The following FCRL1 variants were observed in gnomAD, a reference collection of about 807,000 sequenced individuals.
The protein encoded by FCRL1 is Fc receptor like 1, also known as Fc receptor-like protein 1.
FCRL1 carries 34 observed loss-of-function variants against 49.2 expected under a neutral mutation model. The observed-to-expected ratio is 0.69, with a 90% confidence interval of 0.53 to 0.92. The LOEUF (loss-of-function observed/expected upper bound fraction) is 0.92, where lower values mean the gene tolerates loss of function less well. Among genes scored for constraint, FCRL1 ranks in the 40% least tolerant of loss-of-function variants. FCRL1 has a pLI of 0.00. For synonymous variants in FCRL1, 218 were observed against 201.6 expected (o/e 1.08, Z -0.69); for missense variants, 524 against 524.1 (o/e 1.00, Z 0.00).
In FCRL1 at chr1:157,794,546, CAAG is replaced by C. The variant is rs1651218634; in HGVS notation, c.*1550_*1552del. 6.6e-6 allele frequency: 1 copy of C among 152,100 alleles called. No homozygotes were observed. Among genetic ancestry groups the C allele is most frequent in the African/African-American group, 2.4e-5 (1 of 41,406 alleles). 9.4% of individuals were successfully genotyped at this position (152,100 alleles called of 1,614,324 possible). ...CTGAGAGACATTGAAGACTATTTAA[CAAG>C]AATATTTAATATGCATAATCTAGCA... On this transcript the variant is annotated 3_prime_UTR_variant, in exon 11 of 11. Coordinates refer to ENST00000368176, the MANE Select transcript of FCRL1 (RefSeq NM_052938.5).
chr1:157,803,337 C>G (rs1652847955), intron 3 of FCRL1, among the ~76,000 whole-genome samples: 1 of 152,186 alleles, frequency 6.6e-6, no homozygotes, highest in Non-Finnish European at 1.5e-5. Context: ...CATGGAATAA[C>G]AAGATGAATT....
At chr1:157,817,169 A>G (rs1177640960) in intron 1 of FCRL1, among the ~76,000 whole-genome samples, 1 of 152,040 alleles carries the variant, frequency 6.6e-6, no homozygotes, top group Non-Finnish European at 1.5e-5. Context: ...TAAAATTTGT[A>G]TGGAACTAAA....
chr1:157,817,878 C>CA (rs2101914623), intron 1 of FCRL1, among the ~76,000 whole-genome samples: 1 of 152,170 alleles, frequency 6.6e-6, no homozygotes, highest in African/African-American at 2.4e-5. Flanking sequence ...AGAAGAAATG[C>CA]AAATGGCCAA....
At chr1:157,800,131 A>C in intron 6 of FCRL1, 46 bp from the exon 7 acceptor site, 1 of 1,584,166 alleles carries the variant, frequency 6.3e-7, no homozygotes, top group Non-Finnish European at 8.7e-7. Flanking sequence ...AAGAACCCTC[A>C]CTGTCAGCAC....
chr1:157,807,931 T>A (rs557007679), intron 1 of FCRL1, among the ~76,000 whole-genome samples: 1 of 152,218 alleles, frequency 6.6e-6, no homozygotes, highest in Non-Finnish European at 1.5e-5. Flanking sequence ...TTGTGAAGAT[T>A]AAGGAGCTTA....
At chr1:157,813,371 A>C (rs966907492) in intron 1 of FCRL1, among the ~76,000 whole-genome samples, 2 of 152,244 alleles carry the variant, frequency 1.3e-5, no homozygotes, top group Non-Finnish European at 2.9e-5. Flanking sequence ...TTTATGACCT[A>C]AACAGGAAAT....
intron 1 of FCRL1, 86 bp from the exon 2 acceptor site, chr1:157,807,208 A>AC (rs761263418): frequency 7.1e-6 from 10 of 1,408,588 alleles, no homozygotes; most frequent in Middle Eastern, 1.8e-4. Flanking sequence ...CTTCCCCAAC[A>AC]CCACACCCTC....
At chr1:157,809,432 A>AAAACAG (rs1370589332) in intron 1 of FCRL1, among the ~76,000 whole-genome samples, 4 of 152,278 alleles carry the variant, frequency 2.6e-5, no homozygotes, top group African/African-American at 9.6e-5. Context: ...AACAAAAACA[A>AAAACAG]AAACAAACAA....
chr1:157,802,110 C>T lies in FCRL1; in HGVS notation c.691G>A (p.Ala231Thr). Residue 231 changes from alanine (A) to threonine (T), a missense_variant, in exon 5 of 11, where the codon GCC becomes ACC. Physicochemically the swap from Ala to Thr is moderately conservative, Grantham distance 58 (BLOSUM62 0). Transcript: ENST00000368176. ...AGGATCGGAGGAGAGCCTCTCAGGG[C>T]CTCACAGTGAAGCTCCAGCACATCC... ...VEDVLELHCE[A>T]LRGSPPILYW... 2.5e-6 allele frequency: 4 copies of T among 1,614,216 alleles called. No individual in the cohort carries two copies. The highest frequency in any genetic ancestry group is 3.4e-6 in the Non-Finnish European group (4 of 1,180,030).
At chr1:157,797,752 T>C (rs769637865) in intron 9 of FCRL1, 116 bp downstream of exon 9, 1 of 1,585,228 alleles carries the variant, frequency 6.3e-7, no homozygotes, top group Admixed American at 1.8e-5. Flanking sequence ...CACACAGTGA[T>C]GCTCACAGCC....
At chr1:157,799,079 C>A (rs188751867) in intron 7 of FCRL1, among the ~76,000 whole-genome samples, 7 of 152,272 alleles carry the variant, frequency 4.6e-5, no homozygotes, top group African/African-American at 1.7e-4. Flanking sequence ...CGGCTCACTG[C>A]AACCTCCACC....
At chr1:157,816,351 T>C (rs367745090) in intron 1 of FCRL1, among the ~76,000 whole-genome samples, 235 of 151,958 alleles carry the variant, frequency 1.5e-3, no homozygotes, top group African/African-American at 5.3e-3. Context: ...AAAAACCACA[T>C]GATCAATACA....
intron 7 of FCRL1, among the ~76,000 whole-genome samples, chr1:157,798,534 G>A (rs1437016384): frequency 6.6e-6 from 1 of 151,954 alleles, no homozygotes; most frequent in African/African-American, 2.4e-5. Flanking sequence ...AATATTAAAT[G>A]AATAAATATT....
At chr1:157,798,337 C>T (rs534605301) in intron 7 of FCRL1, 94 bp from the exon 8 acceptor site, 1 of 1,078,766 alleles carries the variant, frequency 9.3e-7, no homozygotes, top group African/African-American at 1.6e-5. Context: ...ACAAATTGTC[C>T]TGAGCAGAAT....
At chr1:157,800,919 G>C (rs961324278) in intron 6 of FCRL1, among the ~76,000 whole-genome samples, 3 of 151,802 alleles carry the variant, frequency 2.0e-5, no homozygotes, top group Admixed American at 2.0e-4. Flanking sequence ...TTGAGACAGA[G>C]TCTCACTCTG....
In FCRL1 at chr1:157,797,927, C is replaced by T; in HGVS notation, c.1127G>A (p.Ser376Asn). Residue 376 changes from serine to asparagine, a missense_variant, in exon 9 of 11, where the codon AGT (serine) becomes AAT (asparagine). Transcript: ENST00000368176. ...CGCCAGTGAATAAACCTCATCCCCA[C>T]TTACAACATTCACTGCAAGAGAAGG... Reference protein sequence around the residue: ...QPIYENVNVVSGDEVYSLAYY... With the variant: ...QPIYENVNVVNGDEVYSLAYY... The T allele has an allele frequency of 2.5e-6, 4 of 1,614,204 alleles. No homozygotes were observed. The highest frequency in any genetic ancestry group is 3.4e-6 in the Non-Finnish European group (4 of 1,180,020).
At chr1:157,809,068 A>G (rs537969383) in intron 1 of FCRL1, among the ~76,000 whole-genome samples, 1 of 152,336 alleles carries the variant, frequency 6.6e-6, no homozygotes, top group South Asian at 2.1e-4. Context: ...TAAGATGTTT[A>G]TTAAGATGTC....
At position 157,797,890 on chromosome 1, in the gene FCRL1, C is replaced by G. The variant is rs2101814784; in HGVS notation, c.1164G>C (p.Gln388His). 3 of 1,614,158 alleles carry G rather than the reference C, an allele frequency of 1.9e-6. No homozygotes were observed. The highest frequency in any genetic ancestry group is 2.5e-6 in the Non-Finnish European group (3 of 1,180,028). ...DEVYSLAYYN[Q>H]PEQESVAAET... Reference sequence around the variant, plus strand: ...CACCTGCTACTGATTCCTGCTCCGGCTGGTTATAGTACGCCAGTGAATAAA... The same window carrying G: ...CACCTGCTACTGATTCCTGCTCCGGGTGGTTATAGTACGCCAGTGAATAAA... The change falls in exon 9 of 11, where the codon CAG becomes CAC. Residue 388 changes from glutamine (Q) to histidine (H), a missense_variant. By Grantham distance (24) the Gln-to-His change is conservative. Transcript: ENST00000368176.
At chr1:157,815,399 G>A (rs1447519976) in intron 1 of FCRL1, among the ~76,000 whole-genome samples, 14 of 151,812 alleles carry the variant, frequency 9.2e-5, no homozygotes, top group Admixed American at 2.6e-4. Flanking sequence ...AAAATTTATT[G>A]AGGCAAATAA....
Sources: allele counts gnomAD v4.1 joint callset (sites outside exome capture counted in the v4.1 genomes callset), GRCh38; gene constraint gnomAD v4.1.1; transcripts MANE v1.5; gene names NCBI Gene and HGNC (gene_info 2026-07-23, HGNC 2026-07-21).